TSHZ1: variants seen among roughly 807,000 people sequenced by gnomAD.
TSHZ1 encodes teashirt zinc finger homeobox 1.
A neutral mutation model predicts 67.1 loss-of-function variants in TSHZ1; 12 were observed. The ratio of observed to expected loss-of-function variants is 0.18; its 90% CI spans 0.11 to 0.29. The LOEUF (loss-of-function observed/expected upper bound fraction) is 0.29, where lower values mean the gene tolerates loss of function less well. TSHZ1 is among the 10% of genes least tolerant of loss of function. The probability of loss-of-function intolerance (pLI) is 1.00; values close to 1 mark genes in which losing one functional copy is unlikely to be tolerated. For missense variants in TSHZ1, 1,305 were observed against 1,413.9 expected (o/e 0.92, Z 1.23); for synonymous variants, 632 against 622.4 (o/e 1.02, Z -0.23).
intron 1 of TSHZ1, among the ~76,000 whole-genome samples, chr18:75,249,052 A>G (rs2023259683): frequency 6.6e-6 from 1 of 152,122 alleles, no homozygotes; most frequent in African/African-American, 2.4e-5. Context: ...GATCTGGGCC[A>G]CTGTGGTCCC....
At chr18:75,276,122 T>C (rs2023611243) in intron 1 of TSHZ1, among the ~76,000 whole-genome samples, 2 of 152,234 alleles carry the variant, frequency 1.3e-5, no homozygotes, top group Non-Finnish European at 2.9e-5. Context: ...TAAATTAGTT[T>C]TCTTATTCCC....
rs571123353 is a variant in TSHZ1, at chr18:75,289,514, C to T, written c.*873C>T. On this transcript the variant is annotated 3_prime_UTR_variant, in exon 2 of 2. Transcript: ENST00000580243. ...GGTAAATGAAAAAAAATGGGGCAAA[C>T]GTTGGAGTCCTTTCCTTGTAAATTG... 19 of 167,138 alleles carry T rather than the reference C, an allele frequency of 1.1e-4. No individual in the cohort carries two copies. Among genetic ancestry groups the T allele is most frequent in the Admixed American group, 2.0e-4 (3 of 15,294 alleles). The allele number at this position is 167,138 out of a possible 1,614,324, so 10.4% of individuals were successfully genotyped here. A position where few individuals can be genotyped will look rare whatever the true frequency, so the allele number is the denominator to read the frequency against.
chr18:75,249,369 C>T (rs2023264526), intron 1 of TSHZ1, among the ~76,000 whole-genome samples: 1 of 151,966 alleles, frequency 6.6e-6, no homozygotes, highest in African/African-American at 2.4e-5. Flanking sequence ...GGCAGCTGGC[C>T]TTCTCCCTGC....
chr18:75,224,817 C>G (rs1034652125), intron 1 of TSHZ1, among the ~76,000 whole-genome samples: 6 of 152,076 alleles, frequency 3.9e-5, no homozygotes, highest in Non-Finnish European at 1.5e-5. Flanking sequence ...TTTCATTAAT[C>G]TCTTTTTCCC....
At chr18:75,257,659 C>T (rs975260152) in intron 1 of TSHZ1, among the ~76,000 whole-genome samples, 1 of 151,818 alleles carries the variant, frequency 6.6e-6, no homozygotes, top group African/African-American at 2.4e-5. Flanking sequence ...AACTAAGGAA[C>T]GGCTTTGCTT....
chr18:75,271,382 T>C (rs1016231361), intron 1 of TSHZ1, among the ~76,000 whole-genome samples: 3 of 152,202 alleles, frequency 2.0e-5, no homozygotes, highest in African/African-American at 7.2e-5. Flanking sequence ...TGAAGCACCT[T>C]CTTCCATCTT....
At chr18:75,214,560 C>G (rs1252776766) in intron 1 of TSHZ1, among the ~76,000 whole-genome samples, 1 of 152,150 alleles carries the variant, frequency 6.6e-6, no homozygotes, top group Non-Finnish European at 1.5e-5. Flanking sequence ...CCTCACTGTT[C>G]CATCCGTAAC....
intron 1 of TSHZ1, among the ~76,000 whole-genome samples, chr18:75,224,895 C>T (rs986992933): frequency 1.3e-5 from 2 of 152,232 alleles, no homozygotes; most frequent in Admixed American, 6.5e-5. Context: ...GAATTCCTAA[C>T]GCGTGCTATT....
At chr18:75,234,383 A>C (rs1275545873) in intron 1 of TSHZ1, among the ~76,000 whole-genome samples, 1 of 152,174 alleles carries the variant, frequency 6.6e-6, no homozygotes, top group Non-Finnish European at 1.5e-5. Flanking sequence ...ATTTTCAGCG[A>C]TACTTTAGCT....
chr18:75,222,728 AC>A (rs1198737644), intron 1 of TSHZ1, among the ~76,000 whole-genome samples: 1 of 151,600 alleles, frequency 6.6e-6, no homozygotes, highest in South Asian at 2.1e-4. Flanking sequence ...TGCCCCCTCC[AC>A]CCCCCTATTT....
At chr18:75,273,112 T>G (rs1167204701) in intron 1 of TSHZ1, among the ~76,000 whole-genome samples, 1 of 152,204 alleles carries the variant, frequency 6.6e-6, no homozygotes, top group African/African-American at 2.4e-5. Context: ...AAGCTGACTT[T>G]TAGAAAGCAG....
chr18:75,259,932 C>A (rs950052383), intron 1 of TSHZ1, among the ~76,000 whole-genome samples: 1 of 152,164 alleles, frequency 6.6e-6, no homozygotes, highest in Non-Finnish European at 1.5e-5. Context: ...TGGAAGGGAA[C>A]CCCTCTGGAT....
intron 1 of TSHZ1, chr18:75,283,513 T>C (rs1255429865): frequency 6.6e-6 from 1 of 152,184 alleles, no homozygotes; most frequent in Non-Finnish European, 1.5e-5. Context: ...TCTTACATGA[T>C]TGGTTATTTT....
At chr18:75,212,980 C>T (rs925791675) in intron 1 of TSHZ1, among the ~76,000 whole-genome samples, 1 of 152,146 alleles carries the variant, frequency 6.6e-6, no homozygotes, top group Admixed American at 6.5e-5. Context: ...TCTCCAAGCT[C>T]TTAGGGTAAA....
chr18:75,265,380 C>T (rs2023478246), intron 1 of TSHZ1, among the ~76,000 whole-genome samples: 1 of 152,154 alleles, frequency 6.6e-6, no homozygotes, highest in Admixed American at 6.5e-5. Context: ...ACATGAAATG[C>T]GATGCCTGCC....
At chr18:75,280,891 G>A in intron 1 of TSHZ1, 1 of 922,850 alleles carries the variant, frequency 1.1e-6, no homozygotes, top group Non-Finnish European at 1.3e-6. Context: ...GATGACCTTT[G>A]AGCCTCCCTG....
At chr18:75,266,858 G>T (rs931391833) in intron 1 of TSHZ1, among the ~76,000 whole-genome samples, 2 of 152,166 alleles carry the variant, frequency 1.3e-5, no homozygotes, top group African/African-American at 4.8e-5. Context: ...ATTATTTAAA[G>T]TTTCTAAAAT....
intron 1 of TSHZ1, among the ~76,000 whole-genome samples, chr18:75,232,870 G>T (rs548629680): frequency 6.6e-6 from 1 of 152,232 alleles, no homozygotes; most frequent in African/African-American, 2.4e-5. Flanking sequence ...CACAATACTT[G>T]GGTGAGGAAA....
At chr18:75,256,722 A>G (rs1336974204) in intron 1 of TSHZ1, among the ~76,000 whole-genome samples, 2 of 152,138 alleles carry the variant, frequency 1.3e-5, no homozygotes, top group African/African-American at 4.8e-5. Flanking sequence ...TGAAATTTTT[A>G]GTGATTTTAG....
Sources: gnomAD v4.1 joint callset for allele counts (sites outside exome capture counted in the v4.1 genomes callset) on GRCh38, gnomAD v4.1.1 for gene constraint, MANE v1.5 for transcripts, NCBI Gene and HGNC (gene_info 2026-07-23, HGNC 2026-07-21) for gene names.